The following PKHD1 variants were observed in gnomAD, a reference collection of about 807,000 sequenced individuals.
The protein encoded by PKHD1 is fibrocystin.
In PKHD1, 291 loss-of-function variants were observed where a neutral mutation model predicts 412.0. The ratio of observed to expected loss-of-function variants is 0.71; its 90% CI spans 0.64 to 0.78. PKHD1 has a LOEUF of 0.78. Ranked by LOEUF, PKHD1 falls within the 30% of genes least tolerant of loss-of-function variation. The pLI is 0.00. For missense variants in PKHD1, 4,825 were observed against 4,950.7 expected (o/e 0.97, Z 0.76); for synonymous variants, 1,777 against 1,821.5 (o/e 0.98, Z 0.62).
At chr6:51,715,339 C>T (rs187298173) in intron 60 of PKHD1, among the ~76,000 whole-genome samples, 4,268 of 152,212 alleles carry the variant, frequency 0.028, 216 homozygotes, top group African/African-American at 0.098. Flanking sequence ...TATGCTTCTT[C>T]CTGAAAAGCA....
chr6:51,765,458 C>T (rs1207273207), intron 55 of PKHD1, among the ~76,000 whole-genome samples: 1 of 152,142 alleles, frequency 6.6e-6, no homozygotes, highest in Non-Finnish European at 1.5e-5. Flanking sequence ...GACAATGCTG[C>T]CCTCTGCTCA....
chr6:51,919,999 T>G (rs1784441855), intron 37 of PKHD1, among the ~76,000 whole-genome samples: 1 of 152,248 alleles, frequency 6.6e-6, no homozygotes, highest in Admixed American at 6.5e-5. Flanking sequence ...TTTGCTGAAG[T>G]TGCTTATCAG....
chr6:51,978,465 A>G (rs1794735737), intron 35 of PKHD1, among the ~76,000 whole-genome samples: 1 of 152,152 alleles, frequency 6.6e-6, no homozygotes, highest in African/African-American at 2.4e-5. Context: ...GGAACAGGAA[A>G]CACCCAATGT....
At chr6:51,898,241 C>A (rs1780487552) in intron 43 of PKHD1, among the ~76,000 whole-genome samples, 1 of 150,658 alleles carries the variant, frequency 6.6e-6, no homozygotes, top group African/African-American at 2.4e-5. Flanking sequence ...ACACCTATTC[C>A]AAAATTGACC....
At chr6:51,752,287 A>G (rs931030472) in intron 57 of PKHD1, among the ~76,000 whole-genome samples, 3 of 152,156 alleles carry the variant, frequency 2.0e-5, no homozygotes, top group African/African-American at 7.2e-5. Context: ...CGTCCTGTGC[A>G]TGCAAGATGT....
intron 37 of PKHD1, among the ~76,000 whole-genome samples, chr6:51,921,543 C>T (rs996553318): frequency 1.1e-4 from 17 of 152,326 alleles, no homozygotes; most frequent in African/African-American, 4.1e-4. Flanking sequence ...GTTCCCTTCT[C>T]CCCGTCACTT....
chr6:52,073,556 A>G lies in PKHD1; in HGVS notation c.449-15T>C, dbSNP rs1562288511. 6.8e-7 allele frequency: 1 copy of G among 1,467,612 alleles called. No homozygotes were observed. The highest frequency in any genetic ancestry group is 9.6e-7 in the Non-Finnish European group (1 of 1,046,782). The allele number at this position is 1,467,612 out of a possible 1,614,324, so 90.9% of individuals were successfully genotyped here. On this transcript the variant is annotated splice_polypyrimidine_tract_variant and intron_variant, in intron 6 of 66. Transcript: ENST00000371117. ...TATTAGTTTTCCTGTTTGAAGAAGAATTTTTTTAATTTAATGGACTTAGCT... is the reference window on the plus strand; with the variant it reads ...TATTAGTTTTCCTGTTTGAAGAAGAGTTTTTTTAATTTAATGGACTTAGCT...
At chr6:51,972,500 T>G (rs1445122663) in intron 35 of PKHD1, among the ~76,000 whole-genome samples, 1 of 152,250 alleles carries the variant, frequency 6.6e-6, no homozygotes, top group Non-Finnish European at 1.5e-5. Context: ...GAGGTGGGGA[T>G]GAAATCTCAA....
intron 55 of PKHD1, among the ~76,000 whole-genome samples, chr6:51,758,469 G>T (rs1042610139): frequency 6.6e-6 from 1 of 152,030 alleles, no homozygotes; most frequent in South Asian, 2.1e-4. Flanking sequence ...TCAATCATAC[G>T]AACTAGCTTA....
Position 52,050,187 on chromosome 6 carries a change from C to T in PKHD1, c.2249G>A (p.Cys750Tyr). Residue 750 changes from cysteine to tyrosine, a missense_variant, in exon 22 of 67, where the codon TGT becomes TAT. By Grantham distance (194) the Cys-to-Tyr change is radical. Transcript: ENST00000371117. ...VYSVTSWLAG[C>Y]GTELPLITAR... is the part of the protein sequence containing the mutation. ...AGTGATGAGCGGGAGCTCCGTGCCA[C>T]ACCCCGCCAGCCAGGAGGTGACACT... 2.5e-6 allele frequency: 4 copies of T among 1,614,196 alleles called. No individual in the cohort carries two copies. The highest frequency in any genetic ancestry group is 3.3e-4 in the Middle Eastern group (2 of 6,046).
At chr6:51,843,100 G>C (rs995489606) in intron 50 of PKHD1, among the ~76,000 whole-genome samples, 1 of 152,146 alleles carries the variant, frequency 6.6e-6, no homozygotes, top group Non-Finnish European at 1.5e-5. Flanking sequence ...TTGATTGAAG[G>C]GTGGCGGCTG....
rs1432003839 is a variant in PKHD1, at chr6:51,934,281, T to C, written c.5950A>G (p.Arg1984Gly). 1.2e-6 allele frequency: 2 copies of C among 1,613,114 alleles called. No homozygotes were observed. The highest frequency in any genetic ancestry group is 2.2e-5 in the East Asian group (1 of 44,892). The stretch of plus-strand genomic sequence containing the variant: ...TCAGAAACAAGGATGGCGTGTGCCC[T>C]GAGCTCGATGGGTCCTGGGGCCATG... ...IFMAPGPIEL[R>G]AHAILVSDGG... Residue 1984 changes from arginine to glycine, a missense_variant, in exon 37 of 67, where the codon AGG becomes GGG. Coordinates refer to ENST00000371117, the MANE Select transcript of PKHD1 (RefSeq NM_138694.4).
chr6:51,890,626 G>A (rs1392993045), intron 43 of PKHD1, among the ~76,000 whole-genome samples: 2 of 151,954 alleles, frequency 1.3e-5, no homozygotes, highest in African/African-American at 4.8e-5. Context: ...CATCTTGCAG[G>A]CCAGATTTAA....
intron 52 of PKHD1, among the ~76,000 whole-genome samples, chr6:51,818,177 C>T (rs1171243711): frequency 6.6e-6 from 1 of 152,162 alleles, no homozygotes; most frequent in Non-Finnish European, 1.5e-5. Flanking sequence ...CCGGAGTGCA[C>T]AGCAGCCCAA....
At chr6:51,834,868 G>A (rs900305628) in intron 51 of PKHD1, among the ~76,000 whole-genome samples, 1 of 152,098 alleles carries the variant, frequency 6.6e-6, no homozygotes, top group South Asian at 2.1e-4. Flanking sequence ...AAACACATTA[G>A]AGGCTACATT....
intron 35 of PKHD1, among the ~76,000 whole-genome samples, chr6:51,983,255 G>A (rs1795799963): frequency 6.6e-6 from 1 of 152,184 alleles, no homozygotes; most frequent in Admixed American, 6.5e-5. Flanking sequence ...GAACTGCCTA[G>A]ACTACAAAAA....
At chr6:51,774,714 A>G (rs1258033812) in intron 54 of PKHD1, among the ~76,000 whole-genome samples, 4 of 151,902 alleles carry the variant, frequency 2.6e-5, no homozygotes, top group Admixed American at 2.6e-4. Flanking sequence ...AGATCCAGAG[A>G]GGGAGCCATT....
chr6:52,030,912 G>T (rs1033308937), intron 29 of PKHD1, among the ~76,000 whole-genome samples: 2 of 152,146 alleles, frequency 1.3e-5, no homozygotes, highest in Non-Finnish European at 2.9e-5. Context: ...GAAAACAAGT[G>T]GATGTGTAAA....
intron 54 of PKHD1, 55 bp from the exon 55 acceptor site, chr6:51,772,844 C>A: frequency 1.0e-6 from 1 of 986,648 alleles, no homozygotes; most frequent in Non-Finnish European, 1.6e-6. Context: ...GGAATGAAAG[C>A]CAGGTAAGTA....
Sources: gnomAD v4.1 joint callset for allele counts (sites outside exome capture counted in the v4.1 genomes callset) on GRCh38, gnomAD v4.1.1 for gene constraint, MANE v1.5 for transcripts, NCBI Gene and HGNC (gene_info 2026-07-23, HGNC 2026-07-21) for gene names.